Variants in TMEM87A observed in about 807,000 individuals in gnomAD.
TMEM87A encodes the protein transmembrane protein 87A, also known as Golgi-pH regulating cation channel.
Under a neutral mutation model 90.0 loss-of-function variants are expected in TMEM87A, and 50 were observed. The observed-to-expected ratio is 0.56, with a 90% CI of 0.44 to 0.70. The LOEUF (loss-of-function observed/expected upper bound fraction) is 0.70, where lower values mean the gene tolerates loss of function less well. Ranked by LOEUF, TMEM87A falls within the 30% of genes least tolerant of loss-of-function variation. The pLI is 0.00. For missense variants in TMEM87A, 577 were observed against 660.5 expected, an observed-to-expected ratio of 0.87 and a Z score of 1.39; for synonymous variants, 226 against 226.7, an observed-to-expected ratio of 1.00 and a Z score of 0.03.
chr15:42,273,061 C>A, intron 1 of TMEM87A, 194 bp downstream of exon 1: 1 of 709,968 alleles, frequency 1.4e-6, no homozygotes, highest in Admixed American at 2.3e-5. Flanking sequence ...CCTTACATTC[C>A]CGCTAGCCTA....
chr15:42,228,707 C>G lies in TMEM87A; in HGVS notation c.1240+5G>C, dbSNP rs369968582. 1.7e-4 allele frequency: 267 copies of G among 1,612,466 alleles called. No homozygotes were observed. The highest frequency in any genetic ancestry group is 2.1e-4 in the Non-Finnish European group (246 of 1,178,628). On this transcript the variant is annotated splice_donor_5th_base_variant and intron_variant, in intron 13 of 19. Transcript: ENST00000389834. ...TGAACTCCAAGAAGAAAGTCCCAGA[C>G]TTACCTGCCACTGCCAAAATAAGCG...
chr15:42,248,362 G>C (rs1367426135), intron 6 of TMEM87A, among the ~76,000 whole-genome samples: 1 of 152,146 alleles, frequency 6.6e-6, no homozygotes, highest in African/African-American at 2.4e-5. Context: ...TCTTCTGCCA[G>C]TTTTCAAAGG....
chr15:42,226,051 G>A (rs956547873), intron 15 of TMEM87A, among the ~76,000 whole-genome samples: 2 of 151,934 alleles, frequency 1.3e-5, no homozygotes, highest in East Asian at 1.9e-4. Flanking sequence ...CACCTATGCT[G>A]TGCAGTGGCA....
intron 4 of TMEM87A, among the ~76,000 whole-genome samples, chr15:42,261,876 C>T (rs1162586920): frequency 2.0e-5 from 3 of 152,258 alleles, no homozygotes; most frequent in East Asian, 1.9e-4. Flanking sequence ...CCTCATGATC[C>T]GCCCACATCG....
intron 8 of TMEM87A, 48 bp from the exon 9 acceptor site, chr15:42,237,663 G>C (rs774817474): frequency 2.8e-5 from 39 of 1,415,672 alleles, no homozygotes; most frequent in Non-Finnish European, 3.5e-5. Context: ...AGGGCCAAGA[G>C]CCAAGTCTGT....
At position 42,272,118 on chromosome 15, in the gene TMEM87A, T is replaced by C. The variant is rs780890180; in HGVS notation, c.150A>G (p.Lys50=). 2.2e-5 allele frequency: 36 copies of C among 1,606,430 alleles called. No homozygotes were observed. Among genetic ancestry groups the C allele is most frequent in the Non-Finnish European group, 3.0e-5 (35 of 1,176,680 alleles). Residue 50 remains lysine (K), a synonymous_variant, in exon 2 of 20, where the codon AAA becomes AAG. Transcript: ENST00000389834. The part of the protein sequence containing the change: ...SKWHIPIPSG[K]NYFSFGKILF... ...GGATCTTTCCAAAACTAAAATAATT[T>C]TTCCCCTGCAAACATAAAGGAAAGA...
Position 42,217,798 on chromosome 15 carries a change from C to T in TMEM87A, c.1626+5G>A, listed in dbSNP as rs1473576632. 1.2e-6 allele frequency: 2 copies of T among 1,612,404 alleles called. No individual in the cohort carries two copies. The highest frequency in any genetic ancestry group is 1.7e-6 in the Non-Finnish European group (2 of 1,179,512). On this transcript the variant is annotated splice_donor_5th_base_variant and intron_variant, in intron 19 of 19. Transcript: ENST00000389834. ...ATAATTTATGCACGTGAATTGAGTA[C>T]CAACCTCATCTGAATCCAGAAGGGC...
chr15:42,273,283 C>A lies in TMEM87A; in HGVS notation c.116G>T (p.Arg39Leu), dbSNP rs1282790913. 1.9e-6 allele frequency: 3 copies of A among 1,613,980 alleles called. No individual in the cohort carries two copies. Among genetic ancestry groups the A allele is most frequent in the Non-Finnish European group, 2.5e-6 (3 of 1,180,036 alleles). ...AGPATVAAAD[R>L]SKWHIPIPSG... Reference sequence around the variant, plus strand: ...CGGTATCGGAATGTGCCATTTGGACCGGTCGGCAGCAGCTACGGTTGCCGG... The same window carrying A: ...CGGTATCGGAATGTGCCATTTGGACAGGTCGGCAGCAGCTACGGTTGCCGG... Residue 39 changes from arginine to leucine, a missense_variant, in exon 1 of 20, where the codon CGG (arginine) becomes CTG (leucine). By Grantham distance (102) the Arg-to-Leu change is moderately radical. Transcript: ENST00000389834.
At chr15:42,219,957 C>T in intron 16 of TMEM87A, 105 bp downstream of exon 16, 1 of 1,100,798 alleles carries the variant, frequency 9.1e-7, no homozygotes, top group South Asian at 1.7e-5. Context: ...ACCCTGACTT[C>T]ATCCCACACC....
intron 2 of TMEM87A, among the ~76,000 whole-genome samples, chr15:42,269,709 G>A (rs890150675): frequency 6.6e-6 from 1 of 151,904 alleles, no homozygotes; most frequent in Non-Finnish European, 1.5e-5. Context: ...GGCCGAGGCG[G>A]GTGGATCATG....
At chr15:42,257,888 G>A (rs2051212885) in intron 6 of TMEM87A, 1 of 982,274 alleles carries the variant, frequency 1.0e-6, no homozygotes, top group Non-Finnish European at 1.2e-6. Context: ...TCTTATTTTG[G>A]TTAATATGCA....
intron 19 of TMEM87A, 101 bp downstream of exon 19, chr15:42,217,702 C>A: frequency 8.9e-7 from 1 of 1,124,914 alleles, no homozygotes; most frequent in South Asian, 1.4e-5. Flanking sequence ...GTTTTCAGGC[C>A]ACTACTGAGT....
rs149365374 is a variant in TMEM87A, at chr15:42,227,708, C to T, written c.1299+3G>A. The T allele has an allele frequency of 1.4e-3, 2,252 of 1,613,172 alleles. 3 individuals carry two copies. The highest frequency in any genetic ancestry group is 1.8e-3 in the Non-Finnish European group (2,084 of 1,179,248). On this transcript the variant is annotated splice_donor_region_variant and intron_variant, in intron 14 of 19. Transcript: ENST00000389834. ...ATTATTCATAAATGTGCTTATAACT[C>T]ACCGACTGACATGTCACTATTCTGA...
intron 2 of TMEM87A, among the ~76,000 whole-genome samples, chr15:42,268,921 A>G (rs528261512): frequency 6.6e-6 from 1 of 152,346 alleles, no homozygotes; most frequent in Non-Finnish European, 1.5e-5. Flanking sequence ...AGACCTTGAA[A>G]GATATCAAGA....
intron 4 of TMEM87A, 82 bp from the exon 5 acceptor site, chr15:42,261,331 T>G: frequency 8.1e-7 from 1 of 1,239,038 alleles, no homozygotes; most frequent in Non-Finnish European, 1.1e-6. Context: ...AAGAAATGGT[T>G]AGAACAAAAC....
At position 42,220,814 on chromosome 15, in the gene TMEM87A, C is replaced by T. The variant is rs895560013; in HGVS notation, c.1404-679G>A. The stretch of plus-strand genomic sequence containing the variant: ...TTATTTATTTATTTATTTTTTGAGA[C>T]GGAGTCTCGCTCTGTCGCCCAGGCT... On this transcript the variant is annotated intron_variant, in intron 15 of 19. Coordinates refer to ENST00000389834, the MANE Select transcript of TMEM87A (RefSeq NM_015497.5). 4.6e-5 allele frequency among the ~76,000 whole-genome samples: 7 copies of T among 152,098 alleles called. No homozygotes were observed. In the South Asian group the frequency reaches 8.3e-4, roughly 18 times the overall value.
intron 10 of TMEM87A, among the ~76,000 whole-genome samples, chr15:42,233,972 A>G (rs1264970493): frequency 6.6e-6 from 1 of 151,038 alleles, no homozygotes; most frequent in Non-Finnish European, 1.5e-5. Flanking sequence ...TGTAGAGACA[A>G]GGTCTCACCG....
At chr15:42,248,350 T>C (rs1355198450) in intron 6 of TMEM87A, among the ~76,000 whole-genome samples, 1 of 152,206 alleles carries the variant, frequency 6.6e-6, no homozygotes, top group Non-Finnish European at 1.5e-5. Context: ...AGGACATCCC[T>C]GTCTTCTGCC....
intron 10 of TMEM87A, 127 bp from the exon 11 acceptor site, chr15:42,233,433 C>A: frequency 3.1e-6 from 2 of 635,266 alleles, no homozygotes; most frequent in Non-Finnish European, 2.7e-6. Flanking sequence ...ACACTTGATT[C>A]ACCTAAGAGA....
Sources: gnomAD v4.1 joint callset for allele counts (sites outside exome capture counted in the v4.1 genomes callset) on GRCh38, gnomAD v4.1.1 for gene constraint, MANE v1.5 for transcripts, NCBI Gene and HGNC (gene_info 2026-07-23, HGNC 2026-07-21) for gene names.